Variants in TREM1 observed in about 807,000 individuals in gnomAD.
TREM1 encodes the protein triggering receptor expressed on myeloid cells 1.
A neutral mutation model predicts 22.4 loss-of-function variants in TREM1; 16 were observed. That is an observed-to-expected ratio of 0.71 (90% CI 0.48 to 1.08). TREM1 has a LOEUF of 1.08. TREM1 is among the 50% of genes least tolerant of loss of function. The pLI, the probability that TREM1 is intolerant of heterozygous loss-of-function variation, is 0.00. For missense variants in TREM1, 283 were observed against 282.9 expected (o/e 1.00, Z 0.00); for synonymous variants, 110 against 111.6 (o/e 0.99, Z 0.09).
chr6:41,272,671 A>C (rs143200958), downstream of TREM1, among the ~76,000 whole-genome samples: 1 of 152,108 alleles, frequency 6.6e-6, no homozygotes, highest in Non-Finnish European at 1.5e-5. Flanking sequence ...TATAGGTAAG[A>C]TGGACCCTGC....
chr6:41,270,849 G>A (rs752385198), downstream of TREM1, among the ~76,000 whole-genome samples: 13 of 152,140 alleles, frequency 8.5e-5, no homozygotes, highest in Non-Finnish European at 1.8e-4. Context: ...GGGACTACAG[G>A]CGTGTGCCAC....
chr6:41,281,297 G>A, intron 2 of TREM1, 144 bp from the exon 3 acceptor site: 1 of 968,428 alleles, frequency 1.0e-6, no homozygotes, highest in Non-Finnish European at 1.5e-6. Flanking sequence ...AAGCTGAGGA[G>A]GGAAATGAGC....
At chr6:41,278,241 A>C (rs1317850549) in intron 3 of TREM1, among the ~76,000 whole-genome samples, 1 of 152,004 alleles carries the variant, frequency 6.6e-6, no homozygotes, top group East Asian at 1.9e-4. Flanking sequence ...ACATTTTAAC[A>C]AGACTTTACA....
intron 3 of TREM1, chr6:41,280,655 A>G: frequency 7.2e-7 from 1 of 1,392,420 alleles, no homozygotes; most frequent in Non-Finnish European, 9.3e-7. Flanking sequence ...ACTGCCCATC[A>G]GGCCCCTGGG....
chr6:41,284,890 C>G (rs781164195), intron 1 of TREM1, among the ~76,000 whole-genome samples: 1 of 152,224 alleles, frequency 6.6e-6, no homozygotes, highest in Non-Finnish European at 1.5e-5. Context: ...ACCTCTTGGG[C>G]AACTCCCACA....
chr6:41,285,889 T>C (rs573485026), intron 1 of TREM1, among the ~76,000 whole-genome samples: 1 of 152,364 alleles, frequency 6.6e-6, no homozygotes, highest in Non-Finnish European at 1.5e-5. Flanking sequence ...TGATTTTTCA[T>C]GCCTTCCCAA....
At chr6:41,272,925 T>C (rs2113971296), downstream of TREM1, among the ~76,000 whole-genome samples, 1 of 152,280 alleles carries the variant, frequency 6.6e-6, no homozygotes, top group African/African-American at 2.4e-5. Context: ...CACCTTTTTC[T>C]TTTGGGGGCA....
intron 3 of TREM1, chr6:41,279,885 G>A (rs183317114): frequency 4.1e-4 from 400 of 981,502 alleles, no homozygotes; most frequent in African/African-American, 1.7e-3. Flanking sequence ...TGGAAATTTC[G>A]AGTTAATTAT....
At chr6:41,279,985 TA>T in intron 3 of TREM1, 1 of 979,164 alleles carries the variant, frequency 1.0e-6, no homozygotes, top group Non-Finnish European at 1.2e-6. Flanking sequence ...AATGGTTATG[TA>T]AGTTATGGCT....
chr6:41,281,342 CA>C, intron 2 of TREM1, 189 bp from the exon 3 acceptor site: 1 of 640,102 alleles, frequency 1.6e-6, no homozygotes, highest in Non-Finnish European at 2.6e-6. Flanking sequence ...TTGCTAAAGC[CA>C]AAGAAATACT....
chr6:41,270,442 A>T (rs1367917677), downstream of TREM1, among the ~76,000 whole-genome samples: 2 of 38,184 alleles, frequency 5.2e-5, no homozygotes, highest in African/African-American at 2.7e-4. Context: ...ATATGATATT[A>T]TATAATATAT....
At chr6:41,267,598 A>AC (rs929465116), downstream of TREM1, among the ~76,000 whole-genome samples, 4 of 152,020 alleles carry the variant, frequency 2.6e-5, no homozygotes, top group African/African-American at 4.8e-5. Flanking sequence ...GATTAAAAAA[A>AC]ACACACACAT....
At chr6:41,286,575 C>G in intron 1 of TREM1, 32 bp downstream of exon 1, 1 of 1,613,042 alleles carries the variant, frequency 6.2e-7, no homozygotes, top group Non-Finnish European at 8.5e-7. Context: ...GGACCAAACG[C>G]CTCCCCTGCT....
chr6:41,280,626 T>C, intron 3 of TREM1: 2 of 1,346,970 alleles, frequency 1.5e-6, no homozygotes, highest in Non-Finnish European at 1.9e-6. Flanking sequence ...CCAGGGCCCC[T>C]CACTCAGAGT....
chr6:41,279,168 C>A (rs929754201), intron 3 of TREM1, among the ~76,000 whole-genome samples: 5 of 152,200 alleles, frequency 3.3e-5, no homozygotes, highest in African/African-American at 1.2e-4. Context: ...ACAGAGGGCG[C>A]CAATTCACCT....
intron 1 of TREM1, 70 bp downstream of exon 1, chr6:41,286,537 T>G: frequency 6.4e-7 from 1 of 1,571,738 alleles, no homozygotes. Flanking sequence ...CTCTGAAGCT[T>G]CAACAGAAAA....
At chr6:41,267,668 G>T (rs540413553), downstream of TREM1, among the ~76,000 whole-genome samples, 1 of 151,954 alleles carries the variant, frequency 6.6e-6, no homozygotes, top group Non-Finnish European at 1.5e-5. Flanking sequence ...CAAGGAGGGA[G>T]GATCACTTGA....
chr6:41,284,916 T>C (rs528349152), intron 1 of TREM1, among the ~76,000 whole-genome samples: 1 of 152,234 alleles, frequency 6.6e-6, no homozygotes, highest in Non-Finnish European at 1.5e-5. Flanking sequence ...CAGTCAGGAA[T>C]GTGCCTCCAA....
intron 3 of TREM1, 33 bp from the exon 4 acceptor site, chr6:41,276,263 G>A: frequency 2.6e-6 from 4 of 1,533,330 alleles, no homozygotes; most frequent in Non-Finnish European, 3.6e-6. Flanking sequence ...CGCTACTGCT[G>A]GCAAAGTCTC....
Sources: allele counts gnomAD v4.1 joint callset (sites outside exome capture counted in the v4.1 genomes callset), GRCh38; gene constraint gnomAD v4.1.1; transcripts MANE v1.5; gene names NCBI Gene and HGNC (gene_info 2026-07-23, HGNC 2026-07-21).